The following LRP1-AS variants were observed in gnomAD, a reference collection of about 807,000 sequenced individuals.
The protein encoded by LRP1-AS is LRP1 antisense RNA.
intron 1 of LRP1-AS, among the ~76,000 whole-genome samples, chr12:57,145,748 C>T (rs2035392820): frequency 6.6e-6 from 1 of 152,184 alleles, no homozygotes; most frequent in Non-Finnish European, 1.5e-5. Context: ...TGGTCAATCT[C>T]CAGAGACCAG....
chr12:57,145,373 G>C, intron 1 of LRP1-AS: 4 of 1,614,168 alleles, frequency 2.5e-6, no homozygotes, highest in Non-Finnish European at 3.4e-6. Context: ...CAACGAGACC[G>C]TATGCTGGGT....
intron 1 of LRP1-AS, chr12:57,145,570 C>T (rs563701499): frequency 1.5e-5 from 23 of 1,534,066 alleles, no homozygotes; most frequent in African/African-American, 4.1e-5. Flanking sequence ...GAACAGAGGC[C>T]GGGAGTTACA....
At chr12:57,145,522 G>A in intron 1 of LRP1-AS, 2 of 1,603,408 alleles carry the variant, frequency 1.2e-6, no homozygotes, top group Non-Finnish European at 1.7e-6. Context: ...TGGAGGGCTG[G>A]GGAGGGTAGG....
At chr12:57,146,972 G>A (rs901268402) in intron 1 of LRP1-AS, among the ~76,000 whole-genome samples, 3 of 151,930 alleles carry the variant, frequency 2.0e-5, no homozygotes, top group Non-Finnish European at 1.5e-5. Context: ...GGGCTTCTGG[G>A]TAGGTGGCTA....
exon 1 of LRP1-AS, chr12:57,147,555 T>G (rs1377056383): frequency 6.6e-6 from 1 of 152,238 alleles, no homozygotes; most frequent in Non-Finnish European, 1.5e-5. Context: ...AAGCCTTCCA[T>G]TCTGTGCTGT....
At chr12:57,146,242 A>T (rs2035404216) in intron 1 of LRP1-AS, among the ~76,000 whole-genome samples, 1 of 152,200 alleles carries the variant, frequency 6.6e-6, no homozygotes, top group Non-Finnish European at 1.5e-5. Flanking sequence ...ATCTGGCAGC[A>T]TCACATTTCC....
At chr12:57,145,571 G>A (rs1021474474) in intron 1 of LRP1-AS, 101 of 1,530,770 alleles carry the variant, frequency 6.6e-5, no homozygotes, top group South Asian at 8.4e-5. Context: ...AACAGAGGCC[G>A]GGAGTTACAC....
intron 1 of LRP1-AS, among the ~76,000 whole-genome samples, chr12:57,146,082 G>T (rs995583431): frequency 3.3e-5 from 5 of 152,156 alleles, no homozygotes; most frequent in Non-Finnish European, 7.4e-5. Flanking sequence ...CTTCCATTCA[G>T]GCTTCTCCCT....
At chr12:57,147,482 C>T (rs2306692) in exon 1 of LRP1-AS, 27,726 of 152,144 alleles carry the variant, frequency 0.18, 2,860 homozygotes, top group East Asian at 0.34. Flanking sequence ...CCAAGGAGGA[C>T]GAAGAAGAAA....
chr12:57,146,221 TA>T (rs34449430), intron 1 of LRP1-AS, among the ~76,000 whole-genome samples: 70,489 of 151,906 alleles, frequency 0.46, 16,642 homozygotes, highest in Admixed American at 0.55. Flanking sequence ...CCAGCAACCT[TA>T]AAAGTCAACA....
At chr12:57,145,586 T>C in intron 1 of LRP1-AS, 1 of 1,456,164 alleles carries the variant, frequency 6.9e-7, no homozygotes, top group African/African-American at 1.4e-5. Context: ...TTACACAGGA[T>C]GGTCCTGTCT....
intron 1 of LRP1-AS, chr12:57,145,390 T>C (rs950890148): frequency 6.2e-7 from 1 of 1,614,122 alleles, no homozygotes; most frequent in East Asian, 2.2e-5. Flanking sequence ...GGGTGCATGT[T>C]GGGGACAGTG....
exon 2 of LRP1-AS, chr12:57,145,078 C>A: frequency 6.2e-7 from 1 of 1,614,050 alleles, no homozygotes. Flanking sequence ...AGCCGGATAA[C>A]CGCTCCTGCA....
chr12:57,145,333 G>A (rs778074762), intron 1 of LRP1-AS: 13 of 1,614,158 alleles, frequency 8.1e-6, no homozygotes, highest in Non-Finnish European at 2.5e-6. Context: ...CGAGCACGCG[G>A]CAGACCACAG....
chr12:57,146,601 G>A (rs757728478), intron 1 of LRP1-AS: 10 of 152,202 alleles, frequency 6.6e-5, no homozygotes, highest in Non-Finnish European at 1.0e-4. Flanking sequence ...GGATGGTGGC[G>A]AGCAGGGGTT....
chr12:57,145,825 G>A (rs865956078), intron 1 of LRP1-AS, among the ~76,000 whole-genome samples: 24 of 152,128 alleles, frequency 1.6e-4, no homozygotes, highest in Non-Finnish European at 2.8e-4. Context: ...TGCAGTGGGA[G>A]CCAAGGCTAG....
At chr12:57,145,197 T>A in intron 1 of LRP1-AS, 1 of 1,613,842 alleles carries the variant, frequency 6.2e-7, no homozygotes, top group South Asian at 1.1e-5. Flanking sequence ...GAGCCCTGGC[T>A]GCACGGACTC....
intron 1 of LRP1-AS, chr12:57,146,628 C>G (rs2035412392): frequency 6.6e-6 from 1 of 152,238 alleles, no homozygotes; most frequent in Non-Finnish European, 1.5e-5. Flanking sequence ...AGAGCCCTCA[C>G]TCTCCGTGGC....
chr12:57,145,551 C>T (rs2035388383), intron 1 of LRP1-AS: 3 of 1,581,122 alleles, frequency 1.9e-6, no homozygotes, highest in Admixed American at 1.7e-5. Context: ...GGAAGGTGGA[C>T]CCTATCTTGA....
Sources: allele counts gnomAD v4.1 joint callset (sites outside exome capture counted in the v4.1 genomes callset), GRCh38; gene constraint gnomAD v4.1.1; transcripts MANE v1.5; gene names NCBI Gene and HGNC (gene_info 2026-07-23, HGNC 2026-07-21).